PPP1R42: variants seen among roughly 807,000 people sequenced by gnomAD.
The protein encoded by PPP1R42 is leucine rich repeat containing 67.
In PPP1R42, 34 loss-of-function variants were observed where a neutral mutation model predicts 31.0. The observed-to-expected ratio is 1.10, with a 90% CI of 0.83 to 1.46. PPP1R42 has a LOEUF of 1.46. Ranked by LOEUF, PPP1R42 falls within the 40% of genes most tolerant of loss-of-function variation. PPP1R42 has a pLI of 0.00. For missense variants in PPP1R42, 268 were observed against 303.0 expected (o/e 0.88, Z 0.86); for synonymous variants, 103 against 109.8 (o/e 0.94, Z 0.39).
chr8:66,980,590 C>T (rs1020147360), intron 7 of PPP1R42, among the ~76,000 whole-genome samples: 3 of 152,252 alleles, frequency 2.0e-5, no homozygotes, highest in African/African-American at 7.2e-5. Context: ...CCTCTCCACC[C>T]GTGCTCCTCC....
chr8:66,992,358 A>G (rs1312664610), intron 5 of PPP1R42, among the ~76,000 whole-genome samples: 2 of 152,200 alleles, frequency 1.3e-5, no homozygotes, highest in African/African-American at 4.8e-5. Flanking sequence ...TCAAACCGCT[A>G]ATCTCAGCCA....
At chr8:66,973,664 G>A (rs1394136767) in intron 7 of PPP1R42, among the ~76,000 whole-genome samples, 1 of 151,922 alleles carries the variant, frequency 6.6e-6, no homozygotes, top group South Asian at 2.1e-4. Context: ...TTTACCTTAG[G>A]TACAATATCG....
At chr8:66,985,761 C>A (rs1281682740) in intron 6 of PPP1R42, 3 of 1,251,344 alleles carry the variant, frequency 2.4e-6, no homozygotes, top group Non-Finnish European at 3.5e-6. Flanking sequence ...GCTGTTTTTT[C>A]CTCTCCTGGA....
chr8:67,004,385 T>A (rs1296833884), intron 5 of PPP1R42, among the ~76,000 whole-genome samples: 1 of 152,208 alleles, frequency 6.6e-6, no homozygotes, highest in Non-Finnish European at 1.5e-5. Flanking sequence ...GCAGCAAAAA[T>A]GGACTAAGAT....
In PPP1R42 at chr8:67,017,649, T is replaced by C; in HGVS notation, c.99A>G (p.Ile33Met). ...ISQCLKKITH[I>M]NFSDKNIDAI... ...CATCTATATTTTTGTCTGAAAAATTTATATGAGTTATTTTCTTCAGGCACT... is the reference window on the plus strand; with the variant it reads ...CATCTATATTTTTGTCTGAAAAATTCATATGAGTTATTTTCTTCAGGCACT... Residue 33 changes from isoleucine to methionine, a missense_variant, in exon 2 of 8, where the codon ATA (isoleucine) becomes ATG (methionine). Physicochemically the swap from Ile to Met is conservative, Grantham distance 10. Transcript: ENST00000685739. 1 of 1,571,094 alleles carries C rather than the reference T, an allele frequency of 6.4e-7. No homozygotes were observed. The highest frequency in any genetic ancestry group is 1.3e-5 in the South Asian group (1 of 79,776).
rs1307351909 is a variant in PPP1R42, at chr8:66,982,033, G to A, written c.802+16C>T. 1.4e-6 allele frequency: 2 copies of A among 1,392,270 alleles called. No homozygotes were observed. The highest frequency in any genetic ancestry group is 3.0e-5 in the African/African-American group (2 of 67,240). The allele number at this position is 1,392,270 out of a possible 1,614,324, so 86.2% of individuals were successfully genotyped here. A position where few individuals can be genotyped will look rare whatever the true frequency, so the allele number is the denominator to read the frequency against. ...TGCTAGAAGAGCAGTCACCTAATGA[G>A]TGACAGAGTGCTTACTTATGAGTGA... On this transcript the variant is annotated intron_variant, in intron 7 of 7. Transcript: ENST00000685739.
At chr8:66,973,776 T>A (rs1177713418) in intron 7 of PPP1R42, among the ~76,000 whole-genome samples, 2 of 152,224 alleles carry the variant, frequency 1.3e-5, no homozygotes, top group Admixed American at 6.5e-5. Context: ...GAAATAGCAC[T>A]CCACTCTTTG....
chr8:66,970,336 A>G (rs964867213), intron 7 of PPP1R42, among the ~76,000 whole-genome samples: 4 of 151,390 alleles, frequency 2.6e-5, no homozygotes, highest in African/African-American at 4.9e-5. Flanking sequence ...GGGTTTCTCC[A>G]TGTTGGCCAG....
chr8:67,003,714 T>C (rs1284455170), intron 5 of PPP1R42, among the ~76,000 whole-genome samples: 1 of 152,182 alleles, frequency 6.6e-6, no homozygotes, highest in African/African-American at 2.4e-5. Flanking sequence ...CCAAAGTTCA[T>C]ATGTTGAAAC....
In PPP1R42 at chr8:67,010,832, C is replaced by A. The variant is rs1471961738; in HGVS notation, c.436-1G>T. ...TGATATTCAATATACAGAGGGATTTCTGTAAGAAAAATAACGAAGTTAGCA... is the reference window on the plus strand; with the variant it reads ...TGATATTCAATATACAGAGGGATTTATGTAAGAAAAATAACGAAGTTAGCA... On this transcript the variant is annotated splice_acceptor_variant, in intron 4 of 7. Coordinates refer to ENST00000685739, the MANE Select transcript of PPP1R42 (RefSeq NM_001364910.1). LOFTEE classifies it high-confidence loss of function. 5 of 1,575,254 alleles carry A rather than the reference C, an allele frequency of 3.2e-6. No individual in the cohort carries two copies. The highest frequency in any genetic ancestry group is 4.3e-6 in the Non-Finnish European group (5 of 1,162,044).
chr8:66,986,147 CTG>C, intron 6 of PPP1R42: 1 of 649,114 alleles, frequency 1.5e-6, no homozygotes, highest in Non-Finnish European at 2.9e-6. Context: ...ACTGTAGGCT[CTG>C]AGAAACCCAG....
chr8:66,983,157 A>T (rs979177266), intron 6 of PPP1R42, among the ~76,000 whole-genome samples: 10 of 152,176 alleles, frequency 6.6e-5, no homozygotes, highest in South Asian at 2.1e-4. Context: ...CCCCAATGAG[A>T]AATAATCACT....
At chr8:67,021,676 C>T (rs72654928) in intron 1 of PPP1R42, among the ~76,000 whole-genome samples, 62 of 152,232 alleles carry the variant, frequency 4.1e-4, no homozygotes, top group Non-Finnish European at 7.9e-4. Flanking sequence ...CTTTCTTCCT[C>T]TTCATTCTCT....
chr8:67,024,003 G>A (rs866207819), intron 1 of PPP1R42, among the ~76,000 whole-genome samples: 2 of 151,778 alleles, frequency 1.3e-5, no homozygotes, highest in Admixed American at 6.6e-5. Context: ...AAAATTAGCC[G>A]GGCATGGTGG....
At chr8:66,979,366 C>A (rs1814764986) in intron 7 of PPP1R42, among the ~76,000 whole-genome samples, 1 of 152,108 alleles carries the variant, frequency 6.6e-6, no homozygotes, top group African/African-American at 2.4e-5. Context: ...GACCTCATCT[C>A]TACAAAAAAT....
intron 7 of PPP1R42, among the ~76,000 whole-genome samples, chr8:66,972,954 T>G (rs1386064877): frequency 6.6e-6 from 1 of 152,204 alleles, no homozygotes; most frequent in Non-Finnish European, 1.5e-5. Context: ...CTTTGTAAAC[T>G]CAAGACAAGT....
intron 4 of PPP1R42, among the ~76,000 whole-genome samples, chr8:67,011,804 G>A (rs563489386): frequency 6.6e-6 from 1 of 152,244 alleles, no homozygotes; most frequent in Non-Finnish European, 1.5e-5. Flanking sequence ...AAGATCAAGT[G>A]TAGTATCTGT....
At chr8:67,023,531 T>C (rs1003537057) in intron 1 of PPP1R42, among the ~76,000 whole-genome samples, 6 of 152,262 alleles carry the variant, frequency 3.9e-5, no homozygotes, top group African/African-American at 1.2e-4. Context: ...TTTTAAAATA[T>C]TGATTTTATA....
intron 1 of PPP1R42, chr8:67,027,150 C>T (rs1281147283): frequency 6.6e-6 from 1 of 152,112 alleles, no homozygotes; most frequent in African/African-American, 2.4e-5. Context: ...ATCCGCCCGC[C>T]TCAGCCTCCC....
Sources: gnomAD v4.1 joint callset for allele counts (sites outside exome capture counted in the v4.1 genomes callset) on GRCh38, gnomAD v4.1.1 for gene constraint, MANE v1.5 for transcripts, NCBI Gene and HGNC (gene_info 2026-07-23, HGNC 2026-07-21) for gene names.